The following NBPF12 variants were observed in gnomAD, a reference collection of about 807,000 sequenced individuals.
NBPF12 encodes the protein NBPF member 12, also known as NBPF family member NBPF12.
Under a neutral mutation model 146.4 loss-of-function variants are expected in NBPF12, and 115 were observed. The observed-to-expected ratio is 0.79, with a 90% CI of 0.68 to 0.92. The LOEUF is 0.92. Among genes scored for constraint, NBPF12 ranks in the 40% least tolerant of loss-of-function variants. The pLI, the probability that NBPF12 is intolerant of heterozygous loss-of-function variation, is 0.00. For synonymous variants in NBPF12, 385 were observed against 508.9 expected (o/e 0.76, Z 3.28); for missense variants, 1,205 against 1,326.8 (o/e 0.91, Z 1.43).
At position 146,992,568 on chromosome 1, in the gene NBPF12, G is replaced by A. The variant is rs1400137310; in HGVS notation, c.3849-144G>A. 7.1e-6 allele frequency: 4 copies of A among 564,018 alleles called. 1 individual carries two copies. The African/African-American group carries it at 7.8e-5, about 11-fold the overall frequency. The allele number at this position is 564,018 out of a possible 1,614,324, so 34.9% of individuals were successfully genotyped here. A position where few individuals can be genotyped will look rare whatever the true frequency, so the allele number is the denominator to read the frequency against. On this transcript the variant is annotated intron_variant, in intron 31 of 33. Coordinates refer to ENST00000617844, the Ensembl canonical transcript of NBPF12. ...ATTTGGCCCTGTTCTGTCCCAACAT[G>A]AAGGCAATAATTTGTTACCTCATTA...
chr1:146,960,265 G>A (rs1219210863), exon 4 of NBPF12: 334 of 1,404,964 alleles, frequency 2.4e-4, no homozygotes, highest in Non-Finnish European at 2.4e-4. Context: ...CTCAAAGAGA[G>A]ATGTTTTCTA....
intron 12 of NBPF12, 89 bp from the exon 16 acceptor site, chr1:146,971,094 T>C: frequency 6.3e-7 from 1 of 1,597,826 alleles, no homozygotes; most frequent in African/African-American, 1.4e-5. Flanking sequence ...ACTCTCTTAA[T>C]GCCGCTTGTC....
At chr1:146,947,032 T>G (rs1553883413), upstream of NBPF12, among the ~76,000 whole-genome samples, 1 of 151,446 alleles carries the variant, frequency 6.6e-6, no homozygotes, top group Non-Finnish European at 1.5e-5. Context: ...ATGCATCTAT[T>G]TGTGTGTGTT....
In NBPF12 at chr1:146,994,194, G is replaced by T. The variant is rs61805292; in HGVS notation, c.4131-138G>T. ...GGCCCTGTTCTATCCCAACATAAAG[G>T]CAATAATTTGTTACCTCATTAATGG... is the stretch of plus-strand genomic sequence containing the variant. On this transcript the variant is annotated intron_variant, in intron 33 of 33. Transcript: ENST00000617844. 1.1e-5 allele frequency: 17 copies of T among 1,544,914 alleles called. No homozygotes were observed. The Admixed American group carries it at 3.0e-4, about 27-fold the overall frequency.
At chr1:146,985,805 A>T (rs1657715657) in intron 23 of NBPF12, 49 bp downstream of exon 26, 2 of 706,664 alleles carry the variant, frequency 2.8e-6, no homozygotes, top group East Asian at 5.2e-5. Context: ...ACACCTGGAG[A>T]TGCCAGGTCC....
chr1:146,940,379 G>A (rs1427402077), intron 1 of NBPF12, among the ~76,000 whole-genome samples: 13 of 151,828 alleles, frequency 8.6e-5, no homozygotes, highest in African/African-American at 2.2e-4. Context: ...CAAGGTGGGC[G>A]GATCACTTGA....
chr1:146,964,284 T>C, intron 6 of NBPF12, 73 bp from the exon 10 acceptor site: 1 of 1,587,196 alleles, frequency 6.3e-7, no homozygotes, highest in Non-Finnish European at 8.6e-7. Context: ...TTCATGTCTC[T>C]GTGCACGTTG....
intron 9 of NBPF12, among the ~76,000 whole-genome samples, chr1:146,967,876 A>G: frequency 7.5e-6 from 1 of 133,630 alleles, no homozygotes; most frequent in Non-Finnish European, 1.6e-5. Context: ...CAGAAACTTC[A>G]TTAGCATTTG....
chr1:146,983,991 G>C, intron 20 of NBPF12, 143 bp from the exon 24 acceptor site: 2 of 639,002 alleles, frequency 3.1e-6, no homozygotes, highest in Non-Finnish European at 2.8e-6. Context: ...TTGACCTCAG[G>C]CCTACTGGAA....
intron 21 of NBPF12, among the ~76,000 whole-genome samples, 159 bp from the exon 25 acceptor site, chr1:146,984,654 C>T (rs1477051376): frequency 1.4e-5 from 2 of 143,848 alleles, no homozygotes; most frequent in African/African-American, 5.5e-5. Flanking sequence ...CTACCTGGCC[C>T]TAGTCTATCA....
At chr1:146,964,606 C>G (rs1482806995) in intron 7 of NBPF12, among the ~76,000 whole-genome samples, 177 bp downstream of exon 10, 1 of 151,994 alleles carries the variant, frequency 6.6e-6, no homozygotes, top group African/African-American at 2.4e-5. Context: ...TCTATGTGTG[C>G]CAAGTGTCAT....
chr1:146,946,425 A>G (rs1466634435), upstream of NBPF12, among the ~76,000 whole-genome samples: 32 of 149,052 alleles, frequency 2.1e-4, no homozygotes, highest in African/African-American at 7.0e-4. Context: ...TTAATGTGCA[A>G]TTCCCTCACA....
intron 16 of NBPF12, among the ~76,000 whole-genome samples, chr1:146,976,109 G>T (rs1331865592): frequency 1.4e-5 from 2 of 147,974 alleles, no homozygotes; most frequent in Admixed American, 6.7e-5. Context: ...TTGATGGAAG[G>T]TGGTCTTTGG....
chr1:146,955,995 T>C (rs1655569806), intron 2 of NBPF12, among the ~76,000 whole-genome samples: 2 of 151,634 alleles, frequency 1.3e-5, no homozygotes, highest in Admixed American at 1.3e-4. Context: ...TTTTTTTTTT[T>C]CCTCTTAATA....
At chr1:146,963,071 A>C (rs1235355273) in intron 5 of NBPF12, 24 bp from the exon 9 acceptor site, 4 of 1,610,102 alleles carry the variant, frequency 2.5e-6, no homozygotes, top group Non-Finnish European at 3.4e-6. Context: ...TCACTGTTAA[A>C]TTTTCTCTAC....
intron 2 of NBPF12, chr1:146,957,524 CA>C (rs1240269446): frequency 5.7e-6 from 1 of 174,296 alleles, no homozygotes; most frequent in African/African-American, 2.5e-5. Flanking sequence ...CAGTCTTTGC[CA>C]ACCAGGGCAC....
At chr1:146,964,998 C>A (rs1553885415) in exon 8 of NBPF12, 3 of 1,608,020 alleles carry the variant, frequency 1.9e-6, no homozygotes, top group Non-Finnish European at 2.5e-6. Context: ...TCCAGCCTCA[C>A]AAGAACATCA....
chr1:146,971,303 C>T (rs1656595497), exon 13 of NBPF12: 3 of 1,612,176 alleles, frequency 1.9e-6, no homozygotes, highest in Non-Finnish European at 1.7e-6. Flanking sequence ...ACATCAAAAT[C>T]ACATTTGAGG....
chr1:146,993,679 G>A, exon 33 of NBPF12: 1 of 44,962 alleles, frequency 2.2e-5, no homozygotes, highest in Non-Finnish European at 3.3e-5. Context: ...AAAAGAAGGG[G>A]AAGAAGATCA....
Sources: allele counts gnomAD v4.1 joint callset (sites outside exome capture counted in the v4.1 genomes callset), GRCh38; gene constraint gnomAD v4.1.1; transcripts MANE v1.5; gene names NCBI Gene and HGNC (gene_info 2026-07-23, HGNC 2026-07-21).